Variants in CORO7 observed in about 807,000 individuals in gnomAD.
CORO7 encodes the protein coronin 7, also known as coronin-7.
A neutral mutation model predicts 126.6 loss-of-function variants in CORO7; 107 were observed. The ratio of observed to expected loss-of-function variants is 0.85; its 90% CI spans 0.72 to 0.99. The LOEUF is 0.99. Ranked by LOEUF, CORO7 falls within the 50% of genes least tolerant of loss-of-function variation. The pLI is 0.00. For synonymous variants in CORO7, 603 were observed against 536.8 expected, an observed-to-expected ratio of 1.12 and a Z score of -1.70; for missense variants, 1,314 against 1,255.8, an observed-to-expected ratio of 1.05 and a Z score of -0.70.
rs1309229398 is a variant in CORO7 at position 4,362,086 on chromosome 16, G to C, written c.1477C>G (p.Leu493Val). 6.2e-7 allele frequency: 1 copy of C among 1,613,200 alleles called. No homozygotes were observed. Among genetic ancestry groups the C allele is most frequent in the Admixed American group, 1.7e-5 (1 of 60,006 alleles). Reference protein sequence around the residue: ...RDSHITNLKGLNLTTPGESDG... With the variant: ...RDSHITNLKGVNLTTPGESDG... ...CTCTCACCAGGTGTGGTGAGGTTGA[G>C]CCCCTTGAGGTTGGTGATGTGGCTG... Residue 493 changes from leucine to valine, a missense_variant, in exon 16 of 28, where the codon CTC becomes GTC. By Grantham distance (32) the Leu-to-Val change is conservative (BLOSUM62 1). Transcript: ENST00000251166. This position sits in a 1 kb window ranked among gnomAD's most constrained non-coding sequence, Gnocchi z 5.3.
At chr16:4,395,456 G>A in intron 6 of CORO7, 117 bp from the exon 7 acceptor site, 1 of 1,378,974 alleles carries the variant, frequency 7.3e-7, no homozygotes, top group East Asian at 2.4e-5. Context: ...CCAGCACGCA[G>A]GGCTGCCATC....
chr16:4,389,307 T>TGGGGCCCTGTCCTCC (rs2055305690), intron 7 of CORO7, among the ~76,000 whole-genome samples: 2 of 151,976 alleles, frequency 1.3e-5, no homozygotes, highest in Admixed American at 1.3e-4. Context: ...ACATGGTGGG[T>TGGGGCCCTGTCCTCC]GGGGCCCTGT....
At chr16:4,367,174 C>T (rs1021805254) in intron 9 of CORO7, among the ~76,000 whole-genome samples, 2 of 152,168 alleles carry the variant, frequency 1.3e-5, no homozygotes, top group East Asian at 3.8e-4. Flanking sequence ...TAACACAGGC[C>T]CCTACTTACT....
intron 9 of CORO7, among the ~76,000 whole-genome samples, chr16:4,375,454 T>C (rs906529079): frequency 2.6e-5 from 4 of 152,230 alleles, no homozygotes; most frequent in African/African-American, 9.6e-5. Flanking sequence ...AAGGAGCTTC[T>C]CCAAAATACA....
chr16:4,366,174 G>A (rs1225957527), intron 9 of CORO7, among the ~76,000 whole-genome samples: 1 of 152,164 alleles, frequency 6.6e-6, no homozygotes, highest in Non-Finnish European at 1.5e-5. Context: ...CGGCCGCTGG[G>A]CTTCCCTGCA....
At chr16:4,403,830 C>G (rs183739294) in intron 6 of CORO7, among the ~76,000 whole-genome samples, 1 of 152,230 alleles carries the variant, frequency 6.6e-6, no homozygotes, top group East Asian at 1.9e-4. Context: ...ATCCCTGAGT[C>G]CTGCTGAGAC....
intron 16 of CORO7, 29 bp downstream of exon 16, chr16:4,361,956 G>T: frequency 6.3e-7 from 1 of 1,579,786 alleles, no homozygotes; most frequent in Non-Finnish European, 8.6e-7. Context: ...GGGAACTGAG[G>T]GGCAGCCCTG....
rs142140567 is a variant in CORO7, at chr16:4,360,982, A to G, written c.1878T>C (p.Ala626=). ...CCTGCAGCTTCAGCCGATCAGCTCC[A>G]GCCTGAAGGTCCCAGATGCGAACAG... ...DLTVRIWDLQ[A]GADRLKLQGH... is the part of the protein sequence containing the mutation. The change falls in exon 19 of 28, where the codon GCT becomes GCC. Residue 626 remains alanine, a synonymous_variant. Coordinates refer to ENST00000251166, the MANE Select transcript of CORO7 (RefSeq NM_024535.5). The G allele has an allele frequency of 8.5e-4, 1,373 of 1,612,816 alleles. 18 individuals carry two copies. The South Asian group carries it at 0.014, about 16-fold the overall frequency.
intron 9 of CORO7, among the ~76,000 whole-genome samples, chr16:4,377,748 A>G (rs1356039506): frequency 6.6e-6 from 1 of 152,044 alleles, no homozygotes; most frequent in Non-Finnish European, 1.5e-5. Context: ...GGGTTTTCCA[A>G]AGCTCCAGCG....
At chr16:4,401,670 A>G (rs1213312453) in intron 6 of CORO7, among the ~76,000 whole-genome samples, 5 of 152,180 alleles carry the variant, frequency 3.3e-5, no homozygotes, top group Admixed American at 2.6e-4. Flanking sequence ...AGAGCGGGCC[A>G]GAGAGAGCAA....
Position 4,361,605 on chromosome 16 carries a change from T to A in CORO7, c.1579-136A>T, listed in dbSNP as rs571087560. On this transcript the variant is annotated intron_variant, in intron 16 of 27. Transcript: ENST00000251166. Reference sequence around the variant, plus strand: ...TCCCACCGCTGGGTGACCCAAGCTCTCTGCCCTGACCACCTTGCGCTCTGA... The same window carrying A: ...TCCCACCGCTGGGTGACCCAAGCTCACTGCCCTGACCACCTTGCGCTCTGA... 9.2e-6 allele frequency: 10 copies of A among 1,086,088 alleles called. No homozygotes were observed. In the African/African-American group the frequency reaches 1.6e-4, roughly 17 times the overall value. The allele number at this position is 1,086,088 out of a possible 1,614,324, so 67.3% of individuals were successfully genotyped here. A position where few individuals can be genotyped will look rare whatever the true frequency, so the allele number is the denominator to read the frequency against.
chr16:4,388,164 C>G, intron 8 of CORO7, 96 bp from the exon 9 acceptor site: 2 of 1,463,178 alleles, frequency 1.4e-6, no homozygotes, highest in South Asian at 2.4e-5. Flanking sequence ...TGCAGCCTGA[C>G]ACGGGGCACC....
chr16:4,361,909 T>A (rs952053116), intron 16 of CORO7, 76 bp downstream of exon 16: 1 of 1,540,954 alleles, frequency 6.5e-7, no homozygotes, highest in Non-Finnish European at 8.8e-7. Context: ...CTGTGTTGTG[T>A]GGGTAGCTAA....
rs116143116 is a variant in CORO7, at chr16:4,359,067, G to A, written c.2340+229C>T. On this transcript the variant is annotated intron_variant, in intron 23 of 27. Transcript: ENST00000251166. ...GTTGGGATTCCAGGCCACCGTACCCGGCCTACAGTATGATTTTTAATAATG... is the reference window on the plus strand; with the variant it reads ...GTTGGGATTCCAGGCCACCGTACCCAGCCTACAGTATGATTTTTAATAATG... The A allele has an allele frequency of 1.9e-3, 1,116 of 585,050 alleles. 11 individuals carry two copies. In the African/African-American group the frequency reaches 0.019, roughly 10 times the overall value. 36.2% of individuals were successfully genotyped at this position (585,050 alleles called of 1,614,324 possible).
intron 10 of CORO7, 80 bp downstream of exon 10, chr16:4,365,411 G>C: frequency 6.5e-7 from 1 of 1,538,494 alleles, no homozygotes; most frequent in Non-Finnish European, 8.8e-7. Flanking sequence ...CCCTGTTCGA[G>C]TTCCTCCTCT....
In CORO7 at chr16:4,362,806, G is replaced by A. The variant is rs544351010; in HGVS notation, c.1276-68C>T. 2.8e-5 allele frequency: 36 copies of A among 1,277,472 alleles called. No individual in the cohort carries two copies. The African/African-American group carries it at 3.9e-4, about 14-fold the overall frequency. The allele number at this position is 1,277,472 out of a possible 1,614,324, so 79.1% of individuals were successfully genotyped here. ...CTGGCCAAAAGGAGGGGGTGCCAGC[G>A]GACTCCAGGGTCACCACTCTGGGCC... is the stretch of plus-strand genomic sequence containing the variant. On this transcript the variant is annotated intron_variant, in intron 14 of 27. Coordinates refer to ENST00000251166, the MANE Select transcript of CORO7 (RefSeq NM_024535.5). This position sits in a 1 kb window ranked among gnomAD's most constrained non-coding sequence, Gnocchi z 5.3.
At chr16:4,378,812 G>A (rs765260217) in intron 9 of CORO7, among the ~76,000 whole-genome samples, 1 of 152,152 alleles carries the variant, frequency 6.6e-6, no homozygotes, top group East Asian at 1.9e-4. Flanking sequence ...CGACAGCAAG[G>A]GGGACACCGC....
At chr16:4,400,831 A>AATAATAATG (rs1321159889) in intron 6 of CORO7, among the ~76,000 whole-genome samples, 4 of 149,550 alleles carry the variant, frequency 2.7e-5, no homozygotes, top group South Asian at 2.1e-4. Context: ...TAATAATAAT[A>AATAATAATG]ATGTTTACCA....
In CORO7 at chr16:4,407,577, G is replaced by A. The variant is rs1383330492; in HGVS notation, c.411C>T (p.Thr137=). The A allele has an allele frequency of 6.3e-7, 1 of 1,590,012 alleles. No individual in the cohort carries two copies. Among genetic ancestry groups the A allele is most frequent in the Non-Finnish European group, 8.6e-7 (1 of 1,168,256 alleles). Residue 137 remains threonine, a synonymous_variant, in exon 5 of 28, where the codon ACC becomes ACT. Coordinates refer to ENST00000251166, the MANE Select transcript of CORO7 (RefSeq NM_024535.5). ...LPVEVLQFHP[T]SDGILVSAAG... ...CTGCGCTCACCAGAATGCCGTCAGA[G>A]GTGGGGTGGAACTGCAGTACCTCCA...
Sources: allele counts gnomAD v4.1 joint callset (sites outside exome capture counted in the v4.1 genomes callset), GRCh38; gene constraint gnomAD v4.1.1; non-coding constraint Gnocchi (gnomAD v3.1); transcripts MANE v1.5; gene names NCBI Gene and HGNC (gene_info 2026-07-23, HGNC 2026-07-21).